FMN2: variants seen among roughly 807,000 people sequenced by gnomAD.
The protein encoded by FMN2 is formin 2, also known as formin-2.
FMN2 carries 51 observed loss-of-function variants against 142.3 expected under a neutral mutation model. The ratio of observed to expected loss-of-function variants is 0.36; its 90% CI spans 0.29 to 0.45. The LOEUF (loss-of-function observed/expected upper bound fraction) is 0.45. FMN2 is among the 20% of genes least tolerant of loss of function. The pLI is 1.00. For missense variants in FMN2, 1,936 were observed against 2,122.8 expected, an observed-to-expected ratio of 0.91 and a Z score of 1.73; for synonymous variants, 882 against 869.8, an observed-to-expected ratio of 1.01 and a Z score of -0.25.
intron 15 of FMN2, among the ~76,000 whole-genome samples, chr1:240,407,699 C>T (rs2103120409): frequency 6.6e-6 from 1 of 152,072 alleles, no homozygotes; most frequent in African/African-American, 2.4e-5. Flanking sequence ...ATTCTTCTAC[C>T]TTTCAAACAG....
chr1:240,387,479 G>T (rs530371415), intron 14 of FMN2, among the ~76,000 whole-genome samples: 46 of 152,296 alleles, frequency 3.0e-4, no homozygotes, highest in Admixed American at 2.5e-3. Context: ...TAAAAAGTGG[G>T]GAGGGGACTA....
At chr1:240,294,661 G>A (rs1209649098) in intron 7 of FMN2, among the ~76,000 whole-genome samples, 161 bp from the exon 8 acceptor site, 5 of 152,212 alleles carry the variant, frequency 3.3e-5, no homozygotes, top group South Asian at 2.1e-4. Flanking sequence ...CTGGCCCAGC[G>A]AAATTCCTGG....
intron 8 of FMN2, among the ~76,000 whole-genome samples, chr1:240,318,408 C>A (rs1350601512): frequency 6.6e-6 from 1 of 151,902 alleles, no homozygotes; most frequent in Admixed American, 6.6e-5. Flanking sequence ...TTTTCTTTTT[C>A]TTTTTCTTTT....
chr1:240,418,687 A>G (rs1268292651), intron 15 of FMN2, among the ~76,000 whole-genome samples: 2 of 152,244 alleles, frequency 1.3e-5, no homozygotes, highest in Non-Finnish European at 1.5e-5. Flanking sequence ...GCCAACGTGT[A>G]TAAGTATACA....
At chr1:240,128,287 A>G (rs1018481954) in intron 2 of FMN2, among the ~76,000 whole-genome samples, 1 of 152,112 alleles carries the variant, frequency 6.6e-6, no homozygotes, top group Admixed American at 6.6e-5. Context: ...GGTCATATGC[A>G]TATTTTCCAG....
intron 8 of FMN2, among the ~76,000 whole-genome samples, chr1:240,314,627 C>G (rs1174218367): frequency 6.6e-6 from 1 of 152,172 alleles, no homozygotes; most frequent in Non-Finnish European, 1.5e-5. Flanking sequence ...TCGTTTCATC[C>G]TAGCTTTGAT....
At chr1:240,144,870 C>G in intron 2 of FMN2, 1 of 1,430,034 alleles carries the variant, frequency 7.0e-7, no homozygotes, top group Non-Finnish European at 9.9e-7. Flanking sequence ...TCCTGCCACT[C>G]CTTAGCCACT....
At chr1:240,408,562 T>C (rs999121010) in intron 15 of FMN2, among the ~76,000 whole-genome samples, 2 of 152,242 alleles carry the variant, frequency 1.3e-5, no homozygotes, top group African/African-American at 4.8e-5. Context: ...AGTTAGACTT[T>C]ACCATTTTAA....
At chr1:240,210,904 C>T (rs553905219) in intron 5 of FMN2, among the ~76,000 whole-genome samples, 187 bp from the exon 6 acceptor site, 1 of 152,192 alleles carries the variant, frequency 6.6e-6, no homozygotes, top group East Asian at 1.9e-4. Flanking sequence ...TTTCAACTTT[C>T]CCATTAAGTT....
Position 240,123,280 on chromosome 1 carries a change from C to G in FMN2, c.1717C>G (p.Pro573Ala), listed in dbSNP as rs778582421. ...SRIIAMGLLLPFSDCFREPCN... is the reference protein window; with the variant it reads ...SRIIAMGLLLAFSDCFREPCN... ...GATCATTGCCATGGGTCTTCTCCTT[C>G]CTTTTAGTGATTGCTTCAGGGAACC... The change falls in exon 2 of 18, where the codon CCT becomes GCT. Residue 573 changes from proline to alanine, a missense_variant. Coordinates refer to ENST00000319653, the MANE Select transcript of FMN2 (RefSeq NM_020066.5). The G allele has an allele frequency of 5.0e-5, 80 of 1,614,008 alleles. 1 individual carries two copies. The highest frequency in any genetic ancestry group is 6.6e-5 in the Non-Finnish European group (78 of 1,180,044).
intron 14 of FMN2, among the ~76,000 whole-genome samples, chr1:240,387,706 G>T (rs1190621568): frequency 2.6e-5 from 4 of 152,110 alleles, no homozygotes; most frequent in Non-Finnish European, 4.4e-5. Flanking sequence ...TCAACATCTG[G>T]ATTCTGTATA....
intron 8 of FMN2, among the ~76,000 whole-genome samples, chr1:240,323,221 C>T (rs1671041458): frequency 6.6e-6 from 1 of 150,880 alleles, no homozygotes; most frequent in Non-Finnish European, 1.5e-5. Flanking sequence ...CTCTCACTCT[C>T]TCTCACTCTC....
rs1471697427 is a variant in FMN2, at chr1:240,459,717, T to TTAAAAAAAAAAAA, written c.5061-12655_5061-12654insTAAAAAAAAAAAA. ...GGGTGACAGAACAAGACTCTGTCTCTAAAAAAAAAAAAAAAAAAAAAAAAA... is the reference window on the plus strand; with the variant it reads ...GGGTGACAGAACAAGACTCTGTCTCTTAAAAAAAAAAAAAAAAAAAAAAAAAAAAAAAAAAAAA... On this transcript the variant is annotated intron_variant, in intron 16 of 17. Transcript: ENST00000319653. Among the ~76,000 whole-genome samples, 24 of 67,128 alleles carry TTAAAAAAAAAAAA rather than the reference T, an allele frequency of 3.6e-4. 3 individuals are homozygous for TTAAAAAAAAAAAA. Among genetic ancestry groups the TTAAAAAAAAAAAA allele is most frequent in the African/African-American group, 1.2e-3 (23 of 19,484 alleles). The allele number at this position is 67,128 out of a possible 152,430, so 44.0% of individuals were successfully genotyped here.
intron 2 of FMN2, among the ~76,000 whole-genome samples, chr1:240,169,259 C>G (rs547106073): frequency 6.6e-6 from 1 of 152,148 alleles, no homozygotes; most frequent in Non-Finnish European, 1.5e-5. Context: ...TCAGAGCCCT[C>G]CTACACGAGA....
At chr1:240,420,138 G>A (rs1256281404) in intron 15 of FMN2, among the ~76,000 whole-genome samples, 1 of 152,074 alleles carries the variant, frequency 6.6e-6, no homozygotes, top group Non-Finnish European at 1.5e-5. Flanking sequence ...ACAGAGAAGA[G>A]CTCCAACTGC....
intron 6 of FMN2, among the ~76,000 whole-genome samples, chr1:240,247,782 A>T (rs903414037): frequency 3.3e-5 from 5 of 152,168 alleles, no homozygotes; most frequent in African/African-American, 1.2e-4. Context: ...GTTTGTGATG[A>T]GGCCTGAGAA....
intron 8 of FMN2, among the ~76,000 whole-genome samples, chr1:240,316,883 G>A (rs12058099): frequency 3.4e-4 from 52 of 152,102 alleles, no homozygotes; most frequent in African/African-American, 1.2e-3. Flanking sequence ...GGTATGATCC[G>A]TGGACCTTTT....
chr1:240,325,408 C>T (rs982815314), intron 8 of FMN2, among the ~76,000 whole-genome samples: 4 of 146,740 alleles, frequency 2.7e-5, no homozygotes, highest in African/African-American at 1.0e-4. Context: ...CCAAAAGTAA[C>T]ATAGGTTAAA....
In FMN2 at chr1:240,092,485, G is replaced by A. The variant is rs1280135540; in HGVS notation, c.376G>A (p.Asp126Asn). 2 of 1,607,352 alleles carry A rather than the reference G, an allele frequency of 1.2e-6. No individual in the cohort carries two copies. The highest frequency in any genetic ancestry group is 3.4e-5 in the Admixed American group (2 of 58,992). Residue 126 changes from aspartate to asparagine, a missense_variant, in exon 1 of 18, where the codon GAC (aspartate) becomes AAC (asparagine). Physicochemically the swap from Asp to Asn is conservative, Grantham distance 23 (BLOSUM62 1). Around this residue, in one of 8 missense-constraint regions of FMN2, gnomAD observed 751 missense variants for 791.8 expected, o/e 0.95. Coordinates refer to ENST00000319653, the MANE Select transcript of FMN2 (RefSeq NM_020066.5). ...TKTPDLSLSADEAGLSDTECA... is the reference protein window; with the variant it reads ...TKTPDLSLSANEAGLSDTECA... The stretch of plus-strand genomic sequence containing the variant: ...GACTCCAGACCTCAGCCTCTCGGCG[G>A]ACGAGGCCGGCCTGTCGGATACCGA...
Sources: allele counts gnomAD v4.1 joint callset (sites outside exome capture counted in the v4.1 genomes callset), GRCh38; gene constraint gnomAD v4.1.1; regional missense constraint gnomAD v4.1.1; transcripts MANE v1.5; gene names NCBI Gene and HGNC (gene_info 2026-07-23, HGNC 2026-07-21).